The following CREB5 variants were observed in gnomAD, a reference collection of about 807,000 sequenced individuals.
CREB5 encodes cAMP responsive element binding protein 5, also known as cyclic AMP-responsive element-binding protein 5.
CREB5 carries 19 observed loss-of-function variants against 57.1 expected under a neutral mutation model. The ratio of observed to expected loss-of-function variants is 0.33; its 90% CI spans 0.23 to 0.49. The LOEUF is 0.49. Among genes scored for constraint, CREB5 ranks in the 20% least tolerant of loss-of-function variants. The probability of loss-of-function intolerance (pLI) is 0.99; values close to 1 mark genes in which losing one functional copy is unlikely to be tolerated. For synonymous variants in CREB5, 238 were observed against 238.3 expected, an observed-to-expected ratio of 1.00 and a Z score of 0.01; for missense variants, 579 against 671.6, an observed-to-expected ratio of 0.86 and a Z score of 1.52.
intron 4 of CREB5, among the ~76,000 whole-genome samples, chr7:28,565,707 G>A (rs1057300808): frequency 2.6e-5 from 4 of 152,120 alleles, no homozygotes; most frequent in African/African-American, 9.7e-5. Context: ...TGGATCAAAA[G>A]GTCAGGAGTT....
intron 1 of CREB5, among the ~76,000 whole-genome samples, chr7:28,348,404 TCTCTCACACA>T (rs1786116248): frequency 3.2e-5 from 1 of 30,770 alleles, no homozygotes; most frequent in Non-Finnish European, 7.9e-5. Context: ...TCTGTCTCTC[TCTCTCACACA>T]CACACACACA....
intron 7 of CREB5, among the ~76,000 whole-genome samples, chr7:28,734,976 G>C (rs1803887269): frequency 6.6e-6 from 1 of 152,056 alleles, no homozygotes; most frequent in Non-Finnish European, 1.5e-5. Context: ...ACTAGTAATA[G>C]AGCAAATTGT....
chr7:28,768,795 C>A (rs1025944525), intron 7 of CREB5, among the ~76,000 whole-genome samples: 1 of 152,200 alleles, frequency 6.6e-6, no homozygotes, highest in Non-Finnish European at 1.5e-5. Flanking sequence ...TGAGAAATTC[C>A]TCCCACTCAA....
chr7:28,610,892 T>G (rs1027307313), intron 5 of CREB5, among the ~76,000 whole-genome samples: 1 of 151,996 alleles, frequency 6.6e-6, no homozygotes, highest in Non-Finnish European at 1.5e-5. Context: ...TGTGTGCGTG[T>G]GTGTGTGTGT....
chr7:28,658,957 A>ATATATATATATATATATATATG (rs1554281561), intron 5 of CREB5, among the ~76,000 whole-genome samples: 1 of 111,810 alleles, frequency 8.9e-6, no homozygotes, highest in South Asian at 2.4e-4. Context: ...GTGTGTGTAT[A>ATATATATATATATATATATATG]TATATATATA....
chr7:28,372,394 G>A (rs998834799), intron 1 of CREB5, among the ~76,000 whole-genome samples: 12 of 152,172 alleles, frequency 7.9e-5, no homozygotes, highest in African/African-American at 2.9e-4. Flanking sequence ...TCCTCAAGGA[G>A]ACAAAGAGTC....
chr7:28,725,166 G>A (rs1803265240), intron 7 of CREB5, among the ~76,000 whole-genome samples: 1 of 152,212 alleles, frequency 6.6e-6, no homozygotes, highest in African/African-American at 2.4e-5. Flanking sequence ...GCTAGAAGTT[G>A]GAGATTAATC....
At chr7:28,643,456 C>T (rs920466000) in intron 5 of CREB5, among the ~76,000 whole-genome samples, 5 of 152,170 alleles carry the variant, frequency 3.3e-5, no homozygotes, top group African/African-American at 1.2e-4. Context: ...CTGCCCTGTT[C>T]CCATAGTAAC....
intron 5 of CREB5, among the ~76,000 whole-genome samples, chr7:28,601,757 C>G (rs1242826592): frequency 6.6e-6 from 1 of 152,104 alleles, no homozygotes; most frequent in Non-Finnish European, 1.5e-5. Context: ...CAAGGCAGAT[C>G]AAAACCACTC....
At chr7:28,730,202 T>G (rs1305326838) in intron 7 of CREB5, among the ~76,000 whole-genome samples, 1 of 152,158 alleles carries the variant, frequency 6.6e-6, no homozygotes, top group East Asian at 1.9e-4. Flanking sequence ...TTTTTTGTTT[T>G]TTGAGACATC....
intron 7 of CREB5, among the ~76,000 whole-genome samples, chr7:28,755,775 A>G (rs1037788641): frequency 6.6e-6 from 1 of 152,198 alleles, no homozygotes; most frequent in Non-Finnish European, 1.5e-5. Context: ...GCTGCTCGCC[A>G]TGAAAAGAAT....
chr7:28,434,240 G>C (rs1788847633), intron 1 of CREB5, among the ~76,000 whole-genome samples: 1 of 152,012 alleles, frequency 6.6e-6, no homozygotes, highest in Non-Finnish European at 1.5e-5. Flanking sequence ...TTTTACAATG[G>C]AGATAATAAT....
At chr7:28,523,589 C>T (rs1233121233) in intron 4 of CREB5, among the ~76,000 whole-genome samples, 1 of 152,178 alleles carries the variant, frequency 6.6e-6, no homozygotes, top group East Asian at 1.9e-4. Context: ...CTGACCCCAA[C>T]TTAATTTTCC....
chr7:28,728,394 C>A (rs1212165623), intron 7 of CREB5, among the ~76,000 whole-genome samples: 2 of 152,190 alleles, frequency 1.3e-5, no homozygotes, highest in Non-Finnish European at 2.9e-5. Context: ...TATCATATGG[C>A]TACCAGATAG....
intron 1 of CREB5, among the ~76,000 whole-genome samples, chr7:28,421,848 T>G (rs42731): frequency 4.3e-3 from 17 of 3,970 alleles, no homozygotes; most frequent in African/African-American, 0.014. Flanking sequence ...ACACACACAC[T>G]CTCTCTCTCT....
chr7:28,444,629 T>C (rs184157843), intron 1 of CREB5, among the ~76,000 whole-genome samples: 1 of 152,256 alleles, frequency 6.6e-6, no homozygotes, highest in East Asian at 1.9e-4. Context: ...AAGCCTGACT[T>C]GGTGCTTATT....
intron 1 of CREB5, among the ~76,000 whole-genome samples, chr7:28,400,086 C>CACAT (rs397746333): frequency 1.3e-5 from 2 of 151,606 alleles, no homozygotes; most frequent in East Asian, 1.9e-4. Context: ...CACACACACA[C>CACAT]GTTTTGTGGG....
chr7:28,301,203 A>G (rs4719931), intron 1 of CREB5, among the ~76,000 whole-genome samples: 122,498 of 152,196 alleles, frequency 0.8, 50,863 homozygotes, highest in East Asian at 0.99. Context: ...AGAACCAGTT[A>G]TTTCAGCTGT....
chr7:28,498,004 T>A (rs1457920236), intron 3 of CREB5, among the ~76,000 whole-genome samples: 1 of 152,160 alleles, frequency 6.6e-6, no homozygotes, highest in African/African-American at 2.4e-5. Flanking sequence ...CCATGATGAG[T>A]TTTAGTATCT....
Sources: gnomAD v4.1 joint callset for allele counts (sites outside exome capture counted in the v4.1 genomes callset) on GRCh38, gnomAD v4.1.1 for gene constraint, MANE v1.5 for transcripts, NCBI Gene and HGNC (gene_info 2026-07-23, HGNC 2026-07-21) for gene names.